Variants in RPTOR observed in about 807,000 individuals in gnomAD.
The protein encoded by RPTOR is regulatory associated protein of MTOR complex 1, also known as regulatory-associated protein of mTOR.
A neutral mutation model predicts 169.9 loss-of-function variants in RPTOR; 21 were observed. The observed-to-expected ratio is 0.12, with a 90% CI of 0.09 to 0.18. The LOEUF is 0.18. Ranked by LOEUF, RPTOR falls within the 10% of genes least tolerant of loss-of-function variation. RPTOR has a pLI of 1.00. For missense variants in RPTOR, 1,133 were observed against 1,855.9 expected, an observed-to-expected ratio of 0.61 and a Z score of 7.16; for synonymous variants, 732 against 753.2, an observed-to-expected ratio of 0.97 and a Z score of 0.46.
chr17:80,956,197 T>TGTG (rs1568009577), intron 28 of RPTOR, among the ~76,000 whole-genome samples: 1 of 149,852 alleles, frequency 6.7e-6, no homozygotes, highest in Non-Finnish European at 1.5e-5. Context: ...ATGCTTTTAC[T>TGTG]GTGTCTAAAA....
At chr17:80,771,216 G>A (rs531377882) in intron 6 of RPTOR, among the ~76,000 whole-genome samples, 1 of 152,114 alleles carries the variant, frequency 6.6e-6, no homozygotes, top group Non-Finnish European at 1.5e-5. Flanking sequence ...GTTCTCCCAC[G>A]GCTGTGTTCT....
chr17:80,813,225 C>T (rs1025938455), intron 7 of RPTOR, among the ~76,000 whole-genome samples: 4 of 152,140 alleles, frequency 2.6e-5, no homozygotes, highest in African/African-American at 9.7e-5. Context: ...TGTTACAGAG[C>T]GCTGAATTGT....
At chr17:80,956,105 G>A (rs2069244891) in intron 28 of RPTOR, among the ~76,000 whole-genome samples, 1 of 152,136 alleles carries the variant, frequency 6.6e-6, no homozygotes, top group Non-Finnish European at 1.5e-5. Flanking sequence ...ATGAGCGTGC[G>A]TAAGCAGGAA....
chr17:80,571,602 C>G (rs2064907011), intron 1 of RPTOR, among the ~76,000 whole-genome samples: 1 of 152,106 alleles, frequency 6.6e-6, no homozygotes. Context: ...CTCACTGCAG[C>G]CTCGACCTCC....
chr17:80,960,798 C>T lies in RPTOR; in HGVS notation c.3605+593C>T, dbSNP rs765354882. On this transcript the variant is annotated intron_variant, in intron 30 of 33. Transcript: ENST00000306801. This position sits in a 1 kb window ranked among gnomAD's most constrained non-coding sequence, Gnocchi z 4.8. ...CATGTCTGGCAGGGGACAGGGCACACGCGTGGGCACAGCAGCCCCGGGCAC... is the reference window on the plus strand; with the variant it reads ...CATGTCTGGCAGGGGACAGGGCACATGCGTGGGCACAGCAGCCCCGGGCAC... 8.7e-5 allele frequency: 14 copies of T among 160,874 alleles called. No homozygotes were observed. Among genetic ancestry groups the T allele is most frequent in the Non-Finnish European group, 1.1e-4 (8 of 72,536 alleles). 10.0% of individuals were successfully genotyped at this position (160,874 alleles called of 1,614,324 possible). A position where few individuals can be genotyped will look rare whatever the true frequency, so the allele number is the denominator to read the frequency against.
chr17:80,823,360 TA>T lies in RPTOR; in HGVS notation c.1136+140del. On this transcript the variant is annotated intron_variant, in intron 9 of 33. Coordinates refer to ENST00000306801, the MANE Select transcript of RPTOR (RefSeq NM_020761.3). The surrounding 1 kb of genome is among the most constrained non-coding windows in gnomAD (Gnocchi z 4.5). ...CCCGTGTAGCATTAACAAGTGAAGCTAAATGCAGGGCTCCCAGAGATCTCCA... is the reference window on the plus strand; with the variant it reads ...CCCGTGTAGCATTAACAAGTGAAGCTAATGCAGGGCTCCCAGAGATCTCCA... The T allele has an allele frequency of 1.0e-6, 1 of 990,846 alleles. No individual in the cohort carries two copies. The highest frequency in any genetic ancestry group is 1.4e-6 in the Non-Finnish European group (1 of 721,548). 61.4% of individuals were successfully genotyped at this position (990,846 alleles called of 1,614,324 possible).
chr17:80,849,431 C>T (rs1461537933), intron 11 of RPTOR, among the ~76,000 whole-genome samples: 4 of 152,194 alleles, frequency 2.6e-5, no homozygotes, highest in African/African-American at 4.8e-5. Context: ...TCAATATCCT[C>T]TCTGCCTTTT....
At chr17:80,627,852 T>C (rs1372518127) in intron 2 of RPTOR, among the ~76,000 whole-genome samples, 1 of 151,990 alleles carries the variant, frequency 6.6e-6, no homozygotes, top group Non-Finnish European at 1.5e-5. Context: ...TTTTTTTTTT[T>C]TTGAGATGGA....
rs1322614757 is a variant in RPTOR at position 80,880,488 on chromosome 17, C to T, written c.1583C>T (p.Pro528Leu). The T allele has an allele frequency of 6.2e-7, 1 of 1,613,544 alleles. No homozygotes were observed. Among genetic ancestry groups the T allele is most frequent in the East Asian group, 2.2e-5 (1 of 44,884 alleles). ...TCGGTCCTGGCGGACCCCTACATGC[C>T]AGTAAGGACGGGGCAGCACGCTCTC... is the stretch of plus-strand genomic sequence containing the variant. ...FLSVLADPYM[P>L]AEHRTMTAFI... Residue 528 changes from proline to leucine, a missense_variant and splice_region_variant, in exon 14 of 34, where the codon CCA becomes CTA. Pro to Leu is a moderately conservative substitution (Grantham distance 98). This residue lies in a region of RPTOR where 289 missense variants were observed against 585.8 expected (regional missense o/e 0.49). Coordinates refer to ENST00000306801, the MANE Select transcript of RPTOR (RefSeq NM_020761.3).
At chr17:80,683,413 C>T (rs1421839351) in intron 3 of RPTOR, among the ~76,000 whole-genome samples, 1 of 152,146 alleles carries the variant, frequency 6.6e-6, no homozygotes, top group Non-Finnish European at 1.5e-5. Flanking sequence ...ATTGGCCATA[C>T]TCATTTTGAC....
intron 1 of RPTOR, among the ~76,000 whole-genome samples, chr17:80,608,190 A>T (rs2065242194): frequency 6.6e-6 from 1 of 152,200 alleles, no homozygotes; most frequent in East Asian, 1.9e-4. Context: ...CCCCTGCCCG[A>T]CGGCGCAGCA....
chr17:80,575,628 C>A (rs2143332756), intron 1 of RPTOR, among the ~76,000 whole-genome samples: 1 of 152,284 alleles, frequency 6.6e-6, no homozygotes, highest in South Asian at 2.1e-4. Context: ...CCTTATAGGC[C>A]CGTGCGTGGT....
chr17:80,554,789 A>AAC (rs1375427479), intron 1 of RPTOR, among the ~76,000 whole-genome samples: 2 of 152,030 alleles, frequency 1.3e-5, no homozygotes, highest in Non-Finnish European at 2.9e-5. Flanking sequence ...AACAACAAAA[A>AAC]AAATGAGAAT....
intron 7 of RPTOR, among the ~76,000 whole-genome samples, chr17:80,808,601 G>T (rs1385048152): frequency 6.6e-6 from 1 of 152,142 alleles, no homozygotes; most frequent in African/African-American, 2.4e-5. Flanking sequence ...GAGTTTGACA[G>T]ACCACTGTGC....
chr17:80,596,555 A>G (rs565236770), intron 1 of RPTOR, among the ~76,000 whole-genome samples: 1 of 152,250 alleles, frequency 6.6e-6, no homozygotes, highest in East Asian at 1.9e-4. Flanking sequence ...CAGGAGAAGG[A>G]TACCAAGGTT....
chr17:80,568,110 T>C (rs574300970), intron 1 of RPTOR, among the ~76,000 whole-genome samples: 8 of 152,172 alleles, frequency 5.3e-5, no homozygotes, highest in Middle Eastern at 3.4e-3. Context: ...GATCTTGCCA[T>C]GTTGACCAGG....
intron 3 of RPTOR, among the ~76,000 whole-genome samples, chr17:80,675,757 C>A (rs565608796): frequency 6.6e-6 from 1 of 152,202 alleles, no homozygotes. Flanking sequence ...CCAGCACATC[C>A]GTGAATTTCA....
In RPTOR at chr17:80,726,085, TGA is replaced by T. The variant is rs1485050732; in HGVS notation, c.508-4471_508-4470del. 6.6e-6 allele frequency among the ~76,000 whole-genome samples: 1 copy of T among 152,158 alleles called. No homozygotes were observed. Among genetic ancestry groups the T allele is most frequent in the East Asian group, 1.9e-4 (1 of 5,196 alleles). On this transcript the variant is annotated intron_variant, in intron 4 of 33. Transcript: ENST00000306801. The surrounding 1 kb of genome is among the most constrained non-coding windows in gnomAD (Gnocchi z 4.5). ...GCCCGGCCCCAAATGGCCCTGGTGC[TGA>T]GAGGGACAGACGCCGCTCACAGAGA...
chr17:80,640,523 T>C (rs2065545014), intron 2 of RPTOR, among the ~76,000 whole-genome samples: 1 of 152,222 alleles, frequency 6.6e-6, no homozygotes, highest in Admixed American at 6.5e-5. Flanking sequence ...TAGGCGGTTA[T>C]AGTGCCATGT....
Sources: allele counts gnomAD v4.1 joint callset (sites outside exome capture counted in the v4.1 genomes callset), GRCh38; gene constraint gnomAD v4.1.1; regional missense constraint gnomAD v4.1.1; non-coding constraint Gnocchi (gnomAD v3.1); transcripts MANE v1.5; gene names NCBI Gene and HGNC (gene_info 2026-07-23, HGNC 2026-07-21).